The following SPINK8 variants were observed in gnomAD, a reference collection of about 807,000 sequenced individuals.
SPINK8 encodes the protein serine protease inhibitor Kazal-type 8.
Under a neutral mutation model 14.4 loss-of-function variants are expected in SPINK8, and 12 were observed. The ratio of observed to expected loss-of-function variants is 0.83; its 90% CI spans 0.53 to 1.35. The LOEUF is 1.35. Ranked by LOEUF, SPINK8 falls within the 40% of genes most tolerant of loss-of-function variation. SPINK8 has a pLI of 0.00. For synonymous variants in SPINK8, 32 were observed against 37.6 expected (o/e 0.85, Z 0.55); for missense variants, 103 against 117.0 (o/e 0.88, Z 0.55).
At chr3:48,320,870 G>C (rs1213026975) in intron 5 of SPINK8, among the ~76,000 whole-genome samples, 155 bp downstream of exon 5, 1 of 152,192 alleles carries the variant, frequency 6.6e-6, no homozygotes, top group Admixed American at 6.5e-5. Flanking sequence ...CATATAAAAT[G>C]TGCTACACAT....
intron 6 of SPINK8, among the ~76,000 whole-genome samples, chr3:48,314,910 C>T (rs2035966033): frequency 6.6e-6 from 1 of 152,164 alleles, no homozygotes; most frequent in Admixed American, 6.5e-5. Flanking sequence ...CAGAGAAAGT[C>T]CCAACATCTC....
intron 2 of SPINK8, among the ~76,000 whole-genome samples, chr3:48,330,782 G>A (rs1218111337): frequency 1.4e-5 from 2 of 138,774 alleles, no homozygotes; most frequent in Admixed American, 1.5e-4. Flanking sequence ...ACGTGGGTGC[G>A]TTCACCTTCT....
At position 48,309,947 on chromosome 3, in the gene SPINK8, C is replaced by A. The variant is rs1158068581; in HGVS notation, c.240-1G>T. Reference sequence around the variant, plus strand: ...TTTAGTTATGTTAAGCCCTTCAAATCTGAAAGAAATTATATTTTAAAATTA... The same window carrying A: ...TTTAGTTATGTTAAGCCCTTCAAATATGAAAGAAATTATATTTTAAAATTA... On this transcript the variant is annotated splice_acceptor_variant, in intron 6 of 7. Coordinates refer to ENST00000434006, the MANE Select transcript of SPINK8 (RefSeq NM_001080525.3). LOFTEE classifies it high-confidence loss of function. 3 of 1,420,144 alleles carry A rather than the reference C, an allele frequency of 2.1e-6. No homozygotes were observed. The highest frequency in any genetic ancestry group is 2.8e-6 in the Non-Finnish European group (3 of 1,087,194). 88.0% of individuals were successfully genotyped at this position (1,420,144 alleles called of 1,614,324 possible). A position where few individuals can be genotyped will look rare whatever the true frequency, so the allele number is the denominator to read the frequency against.
chr3:48,322,991 C>G (rs1272383426), intron 4 of SPINK8, among the ~76,000 whole-genome samples: 4 of 152,102 alleles, frequency 2.6e-5, no homozygotes, highest in East Asian at 1.9e-4. Context: ...AAGGACTTGC[C>G]AGGCTATTTT....
At chr3:48,313,216 G>A (rs960270992) in intron 6 of SPINK8, among the ~76,000 whole-genome samples, 1 of 151,946 alleles carries the variant, frequency 6.6e-6, no homozygotes, top group Non-Finnish European at 1.5e-5. Flanking sequence ...TAGAATCGGG[G>A]GAGAAATATT....
At chr3:48,327,447 A>G (rs1477848039) in intron 4 of SPINK8, among the ~76,000 whole-genome samples, 1 of 152,232 alleles carries the variant, frequency 6.6e-6, no homozygotes, top group Admixed American at 6.5e-5. Flanking sequence ...TTTGCAAGAA[A>G]GATGGAGTGG....
chr3:48,329,750 A>G (rs2036221507), intron 2 of SPINK8, among the ~76,000 whole-genome samples: 1 of 152,182 alleles, frequency 6.6e-6, no homozygotes, highest in Non-Finnish European at 1.5e-5. Context: ...GCAGCCTTGA[A>G]CGCCTAGCCT....
At chr3:48,330,712 G>A (rs1207534603) in intron 2 of SPINK8, among the ~76,000 whole-genome samples, 1 of 151,694 alleles carries the variant, frequency 6.6e-6, no homozygotes, top group African/African-American at 2.4e-5. Flanking sequence ...TTGTATTTTA[G>A]TGAGCCCTCT....
Position 48,311,821 on chromosome 3 carries a change from A to T in SPINK8, c.240-1875T>A, listed in dbSNP as rs77914261. ...ATGACAATACTTCCCAAAGCAATCTACAGATTCAATGAAATCCTTATCAAA... is the reference window on the plus strand; with the variant it reads ...ATGACAATACTTCCCAAAGCAATCTTCAGATTCAATGAAATCCTTATCAAA... On this transcript the variant is annotated intron_variant, in intron 6 of 7. Transcript: ENST00000434006. Among the ~76,000 whole-genome samples, 1,341 of 152,346 alleles carry T rather than the reference A, an allele frequency of 8.8e-3. 8 individuals carry two copies. Among genetic ancestry groups the T allele is most frequent in the South Asian group, 0.016 (76 of 4,824 alleles).
intron 1 of SPINK8, among the ~76,000 whole-genome samples, 171 bp downstream of exon 1, chr3:48,333,364 G>A (rs1048092919): frequency 1.4e-4 from 21 of 152,076 alleles, no homozygotes; most frequent in African/African-American, 3.6e-4. Flanking sequence ...TCTTAGGGGC[G>A]TTTTTGCCTG....
intron 6 of SPINK8, among the ~76,000 whole-genome samples, chr3:48,313,019 GC>G (rs1299161896): frequency 2.5e-4 from 34 of 137,834 alleles, no homozygotes; most frequent in Admixed American, 2.4e-3. Flanking sequence ...AGATCAATGG[GC>G]TAAAACTACT....
intron 6 of SPINK8, among the ~76,000 whole-genome samples, chr3:48,311,231 A>G (rs1223923219): frequency 6.6e-6 from 1 of 152,230 alleles, no homozygotes; most frequent in African/African-American, 2.4e-5. Flanking sequence ...CTAGGAATAG[A>G]AGAGAACTTC....
chr3:48,333,234 T>C (rs2036288611), intron 1 of SPINK8, among the ~76,000 whole-genome samples: 1 of 152,192 alleles, frequency 6.6e-6, no homozygotes, highest in Non-Finnish European at 1.5e-5. Flanking sequence ...TATACTTCCC[T>C]TGGAGGGCAT....
At chr3:48,320,892 C>T (rs1438056307) in intron 5 of SPINK8, 133 bp downstream of exon 5, 54 of 811,074 alleles carry the variant, frequency 6.7e-5, no homozygotes, top group Non-Finnish European at 9.6e-5. Flanking sequence ...CTTGGTGACT[C>T]AGCTTTTATT....
rs1362192367 is a variant in SPINK8, at chr3:48,329,247, C to A, written c.-108G>T. 6.6e-6 allele frequency among the ~76,000 whole-genome samples: 1 copy of A among 152,176 alleles called. No homozygotes were observed. Among genetic ancestry groups the A allele is most frequent in the Non-Finnish European group, 1.5e-5 (1 of 68,020 alleles). On this transcript the variant is annotated 5_prime_UTR_variant, in exon 3 of 8. Coordinates refer to ENST00000434006, the MANE Select transcript of SPINK8 (RefSeq NM_001080525.3). ...TAATGAACTAGGAAGGAAGGCAAAG[C>A]TTATTTGTCTTTTCAAGGTTCCAAT...
chr3:48,317,196 C>T (rs1274286754), intron 6 of SPINK8, among the ~76,000 whole-genome samples: 2 of 152,126 alleles, frequency 1.3e-5, no homozygotes, highest in African/African-American at 4.8e-5. Context: ...TATTTAAGAA[C>T]AGCATTTTTT....
intron 3 of SPINK8, among the ~76,000 whole-genome samples, chr3:48,328,952 T>G (rs2036181111): frequency 6.6e-6 from 1 of 152,256 alleles, no homozygotes; most frequent in African/African-American, 2.4e-5. Flanking sequence ...AACAGCTTAC[T>G]TGCATTATTG....
chr3:48,322,698 G>A (rs902283409), intron 4 of SPINK8, among the ~76,000 whole-genome samples: 9 of 152,272 alleles, frequency 5.9e-5, no homozygotes, highest in East Asian at 1.9e-4. Flanking sequence ...GTCATGCAAC[G>A]AAGTATATGG....
chr3:48,327,457 G>A (rs1462484813), intron 4 of SPINK8, among the ~76,000 whole-genome samples: 1 of 152,178 alleles, frequency 6.6e-6, no homozygotes, highest in Non-Finnish European at 1.5e-5. Context: ...AGATGGAGTG[G>A]TCCACTTTGG....
Sources: gnomAD v4.1 joint callset for allele counts (sites outside exome capture counted in the v4.1 genomes callset) on GRCh38, gnomAD v4.1.1 for gene constraint, MANE v1.5 for transcripts, NCBI Gene and HGNC (gene_info 2026-07-23, HGNC 2026-07-21) for gene names.